Variants in RPS16 observed in about 807,000 individuals in gnomAD.
The protein encoded by RPS16 is small ribosomal subunit protein uS9.
RPS16 carries 2 observed loss-of-function variants against 20.1 expected under a neutral mutation model. The ratio of observed to expected loss-of-function variants is 0.10; its 90% CI spans 0.04 to 0.31. The LOEUF (loss-of-function observed/expected upper bound fraction) is 0.31. Ranked by LOEUF, RPS16 falls within the 10% of genes least tolerant of loss-of-function variation. The probability of loss-of-function intolerance (pLI) is 1.00; values close to 1 mark genes in which losing one functional copy is unlikely to be tolerated. For synonymous variants in RPS16, 95 were observed against 76.1 expected, an observed-to-expected ratio of 1.25 and a Z score of -1.29; for missense variants, 129 against 198.6, an observed-to-expected ratio of 0.65 and a Z score of 2.11.
chr19:39,433,597 T>C (rs565810171), intron 3 of RPS16, 28 bp from the exon 4 acceptor site: 16 of 1,614,124 alleles, frequency 9.9e-6, no homozygotes, highest in Middle Eastern at 1.6e-4. Context: ...AATTAAAGGG[T>C]ACAGGAGCGC....
chr19:39,433,486 C>G lies in RPS16; in HGVS notation c.295+36G>C, dbSNP rs538871790. The G allele has an allele frequency of 3.1e-6, 5 of 1,613,124 alleles. No individual in the cohort carries two copies. In the African/African-American group the frequency reaches 5.3e-5, roughly 17 times the overall value. On this transcript the variant is annotated intron_variant, in intron 4 of 4. Coordinates refer to ENST00000251453, the MANE Select transcript of RPS16 (RefSeq NM_001020.6). ...AGTCCTTGACTTGATCCCCACACAC[C>G]CATCTACCTCATGGGAAGGACCCAT... is the stretch of plus-strand genomic sequence containing the variant.
chr19:39,433,917 G>T lies in RPS16; in HGVS notation c.151-156C>A. ...CACTCCAAGGCCCTCTACAGACCCA[G>T]AGAAGAGGAAAGTCAAAAAAGCCAG... On this transcript the variant is annotated intron_variant, in intron 2 of 4. Coordinates refer to ENST00000251453, the MANE Select transcript of RPS16 (RefSeq NM_001020.6). 6.1e-6 allele frequency: 4 copies of T among 658,536 alleles called. No individual in the cohort carries two copies. The South Asian group carries it at 7.7e-5, about 13-fold the overall frequency. The allele number at this position is 658,536 out of a possible 1,614,324, so 40.8% of individuals were successfully genotyped here.
At chr19:39,435,529 C>CCCCA (rs1217202926) in intron 2 of RPS16, 78 bp downstream of exon 2, 1 of 1,222,250 alleles carries the variant, frequency 8.2e-7, no homozygotes, top group Admixed American at 2.0e-5. Flanking sequence ...ATGCCAGCCC[C>CCCCA]CCCAGCTTTC....
chr19:39,433,622 T>C, intron 3 of RPS16, 43 bp downstream of exon 3: 1 of 1,614,158 alleles, frequency 6.2e-7, no homozygotes, highest in Non-Finnish European at 8.5e-7. Context: ...AAGGCCTCCC[T>C]CCCAGAGCCA....
Position 39,433,668 on chromosome 19 carries a change from A to G in RPS16, c.244T>C (p.Tyr82His). The change falls in exon 3 of 5, where the codon TAT becomes CAT. Residue 82 changes from tyrosine (Y) to histidine (H), a missense_variant. Physicochemically the swap from Tyr to His is moderately conservative, Grantham distance 83. Transcript: ENST00000251453. ...GCGCCCAGTTCCTGGGACTCACCAT[A>G]AATCTGGGCCACGTGACCACCACCC... The part of the protein sequence containing the change: ...VKGGGHVAQI[Y>H]AIRQSISKAL... 2 of 1,614,182 alleles carry G rather than the reference A, an allele frequency of 1.2e-6. No homozygotes were observed. The highest frequency in any genetic ancestry group is 1.7e-6 in the Non-Finnish European group (2 of 1,180,038).
chr19:39,435,882 C>T lies in RPS16; in HGVS notation c.14G>A (p.Gly5Asp). MPSK[G>D]PLQSVQVFGR... is the part of the protein sequence containing the mutation. ...GAAGACCTGCACAGACTGCAGCGGG[C>T]CCTTGGACGGCATGGCTCCGAGCGT... The change falls in exon 1 of 5, where the codon GGC (glycine) becomes GAC (aspartate). Residue 5 changes from glycine (G) to aspartate (D), a missense_variant. Transcript: ENST00000251453. 6.2e-7 allele frequency: 1 copy of T among 1,606,710 alleles called. No individual in the cohort carries two copies. The highest frequency in any genetic ancestry group is 8.5e-7 in the Non-Finnish European group (1 of 1,179,944).
chr19:39,435,703 T>C lies in RPS16; in HGVS notation c.54A>G (p.Thr18=), dbSNP rs2078858186. Residue 18 remains threonine, a synonymous_variant, in exon 2 of 5, where the codon ACA becomes ACG. Coordinates refer to ENST00000251453, the MANE Select transcript of RPS16 (RefSeq NM_001020.6). ...GTTTGCAGTGCGCCACAGCTGTCGC[T>C]GTCTTCTGTAAGATACAAGAGAAAC... is the stretch of plus-strand genomic sequence containing the variant. ...QSVQVFGRKK[T]ATAVAHCKRG... 6.2e-7 allele frequency: 1 copy of C among 1,613,634 alleles called. No individual in the cohort carries two copies.
At position 39,433,245 on chromosome 19, in the gene RPS16, T is replaced by C. The variant is rs1186492224; in HGVS notation, c.*28A>G. The C allele has an allele frequency of 3.7e-6, 6 of 1,610,504 alleles. No homozygotes were observed. Among genetic ancestry groups the C allele is most frequent in the Non-Finnish European group, 5.1e-6 (6 of 1,178,754 alleles). On this transcript the variant is annotated 3_prime_UTR_variant, in exon 5 of 5. Transcript: ENST00000251453. ...AAAATCCCTCAAAAACTGTTTATTA[T>C]ACAAGTGAGTTTTGAGTCACGATGG...
In RPS16 at chr19:39,435,620, G is replaced by A. The variant is rs374167902; in HGVS notation, c.137C>T (p.Thr46Met). 5.6e-6 allele frequency: 9 copies of A among 1,613,514 alleles called. No homozygotes were observed. In the African/African-American group the frequency reaches 8.0e-5, roughly 14 times the overall value. ...GRPLEMIEPRTLQYKLLEPVL... is the reference protein window; with the variant it reads ...GRPLEMIEPRMLQYKLLEPVL... ...GGATCCCAGCACCTTGTACTGTAGC[G>A]TGCGCGGCTCAATCATCTCCAGGGG... is the stretch of plus-strand genomic sequence containing the variant. Residue 46 changes from threonine (T) to methionine (M), a missense_variant, in exon 2 of 5, where the codon ACG becomes ATG. Thr to Met is a moderately conservative substitution (Grantham distance 81). Transcript: ENST00000251453.
In RPS16 at chr19:39,435,890, C is replaced by A. The variant is rs11555711; in HGVS notation, c.6G>T (p.Pro2=). The change falls in exon 1 of 5, where the codon CCG becomes CCT. Residue 2 remains proline (P), a synonymous_variant. Transcript: ENST00000251453. M[P]SKGPLQSVQV... ...GCACAGACTGCAGCGGGCCCTTGGACGGCATGGCTCCGAGCGTGGACTAGA... is the reference window on the plus strand; with the variant it reads ...GCACAGACTGCAGCGGGCCCTTGGAAGGCATGGCTCCGAGCGTGGACTAGA... The A allele has an allele frequency of 6.2e-7, 1 of 1,605,976 alleles. No individual in the cohort carries two copies. The highest frequency in any genetic ancestry group is 8.5e-7 in the Non-Finnish European group (1 of 1,179,960).
Position 39,435,879 on chromosome 19 carries a change from G to A in RPS16, c.17C>T (p.Pro6Leu). 2 of 1,607,850 alleles carry A rather than the reference G, an allele frequency of 1.2e-6. No homozygotes were observed. The highest frequency in any genetic ancestry group is 1.7e-6 in the Non-Finnish European group (2 of 1,179,982). Residue 6 changes from proline to leucine, a missense_variant, in exon 1 of 5, where the codon CCG (proline) becomes CTG (leucine). Pro to Leu is a moderately conservative substitution (Grantham distance 98). Transcript: ENST00000251453. MPSKG[P>L]LQSVQVFGRK... ...TCCGAAGACCTGCACAGACTGCAGCGGGCCCTTGGACGGCATGGCTCCGAG... is the reference window on the plus strand; with the variant it reads ...TCCGAAGACCTGCACAGACTGCAGCAGGCCCTTGGACGGCATGGCTCCGAG...
chr19:39,434,014 C>A, intron 2 of RPS16: 1 of 477,706 alleles, frequency 2.1e-6, no homozygotes, highest in Non-Finnish European at 3.8e-6. Flanking sequence ...CTCCCTCCTA[C>A]TTGTGTCCCT....
In RPS16 at chr19:39,435,589, G is replaced by T. The variant is rs371040043; in HGVS notation, c.150+18C>A. ...AAGAGTCCTCCATCCACTCAACGCCGGTGCCGGATCCCAGCACCTTGTACT... is the reference window on the plus strand; with the variant it reads ...AAGAGTCCTCCATCCACTCAACGCCTGTGCCGGATCCCAGCACCTTGTACT... On this transcript the variant is annotated intron_variant, in intron 2 of 4. Coordinates refer to ENST00000251453, the MANE Select transcript of RPS16 (RefSeq NM_001020.6). The T allele has an allele frequency of 1.2e-6, 2 of 1,605,454 alleles. No homozygotes were observed. Among genetic ancestry groups the T allele is most frequent in the Admixed American group, 1.7e-5 (1 of 59,642 alleles).
intron 2 of RPS16, 156 bp downstream of exon 2, chr19:39,435,451 A>G (rs937673194): frequency 1.6e-6 from 1 of 612,232 alleles, no homozygotes; most frequent in Non-Finnish European, 2.9e-6. Context: ...CTGAACCCCA[A>G]GCCCAGCTCT....
rs751536606 is a variant in RPS16 at position 39,433,423 on chromosome 19, C to T, written c.296-5G>A. On this transcript the variant is annotated splice_region_variant and splice_polypyrimidine_tract_variant and intron_variant, in intron 4 of 4. Transcript: ENST00000251453. ...TCTTGGAAGCCTCATCCACATCTGG[C>T]AAGAAGAGCAGGGACGAGGATTTAG... is the stretch of plus-strand genomic sequence containing the variant. 1 of 1,614,038 alleles carries T rather than the reference C, an allele frequency of 6.2e-7. No individual in the cohort carries two copies.
intron 2 of RPS16, chr19:39,434,816 A>T (rs2078850843): frequency 6.6e-6 from 1 of 152,220 alleles, no homozygotes; most frequent in Non-Finnish European, 1.5e-5. Flanking sequence ...ACTGTTTTTA[A>T]AAAAGAACCT....
At chr19:39,435,322 A>G in intron 2 of RPS16, 1 of 407,678 alleles carries the variant, frequency 2.5e-6, no homozygotes, top group Non-Finnish European at 4.4e-6. Flanking sequence ...AAAATAAAAA[A>G]TAGTCGGTGT....
At chr19:39,435,541 A>G in intron 2 of RPS16, 66 bp downstream of exon 2, 3 of 1,372,606 alleles carry the variant, frequency 2.2e-6, no homozygotes, top group South Asian at 1.2e-5. Flanking sequence ...CCAGCTTTCA[A>G]GAGCTACAAC....
chr19:39,435,852 C>T lies in RPS16; in HGVS notation c.44G>A (p.Arg15His), dbSNP rs11555716. ...CCCATCCGGCGTCTGGCTCACCTTG[C>T]GTCCGAAGACCTGCACAGACTGCAG... ...GPLQSVQVFG[R>H]KKTATAVAHC... Residue 15 changes from arginine to histidine, a missense_variant, in exon 1 of 5, where the codon CGC becomes CAC. Around this residue, in one of 2 missense-constraint regions of RPS16, gnomAD observed 117 missense variants for 151.4 expected, o/e 0.77. Coordinates refer to ENST00000251453, the MANE Select transcript of RPS16 (RefSeq NM_001020.6). 3.7e-6 allele frequency: 6 copies of T among 1,610,150 alleles called. No individual in the cohort carries two copies. Among genetic ancestry groups the T allele is most frequent in the African/African-American group, 1.3e-5 (1 of 75,052 alleles).
Sources: allele counts gnomAD v4.1 joint callset, GRCh38; gene constraint gnomAD v4.1.1; regional missense constraint gnomAD v4.1.1; transcripts MANE v1.5; gene names NCBI Gene and HGNC (gene_info 2026-07-23, HGNC 2026-07-21).